The following SH3BP4 variants were observed in gnomAD, a reference collection of about 807,000 sequenced individuals.
SH3BP4 encodes the protein SH3 domain binding protein 4, also known as SH3 domain-binding protein 4.
Under a neutral mutation model 65.5 loss-of-function variants are expected in SH3BP4, and 33 were observed. The ratio of observed to expected loss-of-function variants is 0.50; its 90% CI spans 0.38 to 0.67. The LOEUF (loss-of-function observed/expected upper bound fraction) is 0.67, where lower values mean the gene tolerates loss of function less well. Ranked by LOEUF, SH3BP4 falls within the 30% of genes least tolerant of loss-of-function variation. SH3BP4 has a pLI of 0.00. For synonymous variants in SH3BP4, 552 were observed against 545.5 expected (o/e 1.01, Z -0.17); for missense variants, 1,134 against 1,261.4 (o/e 0.90, Z 1.53).
intron 2 of SH3BP4, among the ~76,000 whole-genome samples, chr2:235,029,531 G>T (rs1309593996): frequency 6.6e-6 from 1 of 152,182 alleles, no homozygotes. Flanking sequence ...CCTAGCCAAG[G>T]GGAGATAGCC....
At chr2:235,019,359 G>C (rs547433880) in intron 2 of SH3BP4, among the ~76,000 whole-genome samples, 1 of 152,174 alleles carries the variant, frequency 6.6e-6, no homozygotes, top group East Asian at 1.9e-4. Context: ...GGCTGGATTG[G>C]GGGCAGAAGA....
chr2:235,009,045 A>G (rs1459175604), intron 2 of SH3BP4, among the ~76,000 whole-genome samples: 2 of 152,342 alleles, frequency 1.3e-5, no homozygotes, highest in South Asian at 2.1e-4. Flanking sequence ...GCTGATTTGC[A>G]TAAGAATGTT....
intron 4 of SH3BP4, among the ~76,000 whole-genome samples, chr2:235,043,769 G>A (rs1165231495): frequency 2.0e-5 from 3 of 152,012 alleles, no homozygotes; most frequent in Admixed American, 6.5e-5. Flanking sequence ...GGGCCGTGGT[G>A]TTGTAAGTCA....
intron 4 of SH3BP4, among the ~76,000 whole-genome samples, chr2:235,047,628 A>C (rs1328754471): frequency 6.6e-6 from 1 of 152,222 alleles, no homozygotes; most frequent in Non-Finnish European, 1.5e-5. Context: ...AAGGGGAGTC[A>C]GCTGGAGATA....
intron 2 of SH3BP4, among the ~76,000 whole-genome samples, chr2:235,013,366 C>T (rs1205108518): frequency 6.6e-6 from 1 of 152,192 alleles, no homozygotes; most frequent in Non-Finnish European, 1.5e-5. Flanking sequence ...TCTCCGGTGT[C>T]TGGGCAGTCC....
chr2:235,046,280 T>C lies in SH3BP4; in HGVS notation c.2478+3033T>C, dbSNP rs1048409102. On this transcript the variant is annotated intron_variant, in intron 4 of 5. Coordinates refer to ENST00000392011, the MANE Select transcript of SH3BP4 (RefSeq NM_014521.3). The surrounding 1 kb of genome is among the most constrained non-coding windows in gnomAD (Gnocchi z 4.2). ...TGGTGTTTCTTGAATCAGAAGCGGT[T>C]TGTTTTGGCCAGGCATGGAGGTTCA... Among the ~76,000 whole-genome samples, 3 of 152,212 alleles carry C rather than the reference T, an allele frequency of 2.0e-5. No individual in the cohort carries two copies. Among genetic ancestry groups the C allele is most frequent in the Non-Finnish European group, 2.9e-5 (2 of 68,038 alleles).
intron 1 of SH3BP4, among the ~76,000 whole-genome samples, chr2:234,960,478 G>C (rs1239869323): frequency 6.6e-6 from 1 of 152,122 alleles, no homozygotes; most frequent in Non-Finnish European, 1.5e-5. Flanking sequence ...CTGTGTGAGG[G>C]GGTGCTGACT....
chr2:235,038,887 TGTA>T (rs1695545211), intron 3 of SH3BP4, among the ~76,000 whole-genome samples: 1 of 152,142 alleles, frequency 6.6e-6, no homozygotes. Context: ...AGGTACATGA[TGTA>T]GTGGTTGGTG....
In SH3BP4 at chr2:234,978,856, G is replaced by C. The variant is rs1254531943; in HGVS notation, c.-206-16447G>C. 6.6e-6 allele frequency: 1 copy of C among 152,230 alleles called. No homozygotes were observed. Among genetic ancestry groups the C allele is most frequent in the Admixed American group, 6.5e-5 (1 of 15,286 alleles). The allele number at this position is 152,230 out of a possible 1,614,324, so 9.4% of individuals were successfully genotyped here. A position where few individuals can be genotyped will look rare whatever the true frequency, so the allele number is the denominator to read the frequency against. On this transcript the variant is annotated intron_variant, in intron 1 of 5. Transcript: ENST00000392011. The surrounding 1 kb of genome is among the most constrained non-coding windows in gnomAD (Gnocchi z 4.1). Reference sequence around the variant, plus strand: ...TGAGATCCGAGAGTCATGCCGCTGCGTGGAGGAACATGCTGAACCTCTGGA... The same window carrying C: ...TGAGATCCGAGAGTCATGCCGCTGCCTGGAGGAACATGCTGAACCTCTGGA...
intron 4 of SH3BP4, among the ~76,000 whole-genome samples, chr2:235,050,158 T>C (rs7564733): frequency 0.21 from 31,944 of 151,938 alleles, 3,708 homozygotes; most frequent in East Asian, 0.42. Context: ...CTCTGTCCCC[T>C]AGGCTGGAGT....
At position 235,034,199 on chromosome 2, in the gene SH3BP4, T is replaced by C. The variant is rs941853663; in HGVS notation, c.-132-672T>C. 6.6e-6 allele frequency among the ~76,000 whole-genome samples: 1 copy of C among 152,212 alleles called. No individual in the cohort carries two copies. Among genetic ancestry groups the C allele is most frequent in the African/African-American group, 2.4e-5 (1 of 41,444 alleles). On this transcript the variant is annotated intron_variant, in intron 2 of 5. Transcript: ENST00000392011. This position sits in a 1 kb window ranked among gnomAD's most constrained non-coding sequence, Gnocchi z 6.2. ...GCAGAGGCCTTAGGGGTGATTCTTGTGGTCTCTTCCACGGAAAGATCTTTC... is the reference window on the plus strand; with the variant it reads ...GCAGAGGCCTTAGGGGTGATTCTTGCGGTCTCTTCCACGGAAAGATCTTTC...
Position 235,045,550 on chromosome 2 carries a change from C to T in SH3BP4, c.2478+2303C>T, listed in dbSNP as rs149625505. On this transcript the variant is annotated intron_variant, in intron 4 of 5. Transcript: ENST00000392011. The surrounding 1 kb of genome is among the most constrained non-coding windows in gnomAD (Gnocchi z 4.3). Reference sequence around the variant, plus strand: ...AAGTGAAACTTGCCCTTGGCCAGGTCGGCTCCCTGAGGCAAGGTTAGATTT... The same window carrying T: ...AAGTGAAACTTGCCCTTGGCCAGGTTGGCTCCCTGAGGCAAGGTTAGATTT... Among the ~76,000 whole-genome samples, 1,745 of 152,142 alleles carry T rather than the reference C, an allele frequency of 0.011. 11 individuals are homozygous for T. Among genetic ancestry groups the T allele is most frequent in the Non-Finnish European group, 0.017 (1,132 of 68,020 alleles).
intron 4 of SH3BP4, among the ~76,000 whole-genome samples, chr2:235,048,402 C>T (rs1216253382): frequency 1.3e-5 from 2 of 152,190 alleles, no homozygotes; most frequent in African/African-American, 4.8e-5. Flanking sequence ...GTGATCACAG[C>T]TCACTGCAGC....
intron 1 of SH3BP4, among the ~76,000 whole-genome samples, chr2:234,970,128 T>C (rs1037724414): frequency 1.3e-5 from 2 of 151,432 alleles, no homozygotes; most frequent in Non-Finnish European, 2.9e-5. Context: ...CTCACACTCT[T>C]ACACACACAC....
intron 3 of SH3BP4, among the ~76,000 whole-genome samples, chr2:235,038,287 ATAAT>A (rs1444283342): frequency 1.8e-4 from 3 of 16,836 alleles, no homozygotes; most frequent in African/African-American, 1.5e-3. Flanking sequence ...TATATTATAT[ATAAT>A]ATATATATTA....
intron 1 of SH3BP4, among the ~76,000 whole-genome samples, chr2:234,968,425 C>T (rs77828141): frequency 0.026 from 3,863 of 149,384 alleles, 154 homozygotes; most frequent in African/African-American, 0.081. Context: ...TTCTAGTTAC[C>T]CTCTAGAATT....
intron 2 of SH3BP4, among the ~76,000 whole-genome samples, chr2:235,000,604 A>G (rs1694067867): frequency 6.6e-6 from 1 of 152,196 alleles, no homozygotes; most frequent in East Asian, 1.9e-4. Context: ...GAGGACGTCA[A>G]GCCGCGATGT....
Position 235,043,187 on chromosome 2 carries a change from G to A in SH3BP4, c.2418G>A (p.Lys806=), listed in dbSNP as rs755623639. 1.1e-5 allele frequency: 18 copies of A among 1,608,470 alleles called. No homozygotes were observed. The Admixed American group carries it at 3.0e-4, about 27-fold the overall frequency. Residue 806 remains lysine (K), a synonymous_variant, in exon 4 of 6, where the codon AAG becomes AAA. Coordinates refer to ENST00000392011, the MANE Select transcript of SH3BP4 (RefSeq NM_014521.3). ...ERVASVLEKL[K]EDCNNTENKE... ...TGGCGTCCGTCCTAGAAAAGCTGAA[G>A]GAGGACTGTAACAACACTGAGAACA...
At chr2:234,958,405 T>A (rs1692634643) in intron 1 of SH3BP4, among the ~76,000 whole-genome samples, 1 of 151,874 alleles carries the variant, frequency 6.6e-6, no homozygotes, top group Non-Finnish European at 1.5e-5. Flanking sequence ...GGGTGCAGGA[T>A]TCAAGGAGGT....
Sources: gnomAD v4.1 joint callset for allele counts (sites outside exome capture counted in the v4.1 genomes callset) on GRCh38, gnomAD v4.1.1 for gene constraint, Gnocchi (gnomAD v3.1) non-coding constraint, MANE v1.5 for transcripts, NCBI Gene and HGNC (gene_info 2026-07-23, HGNC 2026-07-21) for gene names.